SGCG: variants seen among roughly 807,000 people sequenced by gnomAD.
The protein encoded by SGCG is sarcoglycan gamma.
A neutral mutation model predicts 29.3 loss-of-function variants in SGCG; 26 were observed. That is an observed-to-expected ratio of 0.89 (90% CI 0.65 to 1.23). The LOEUF (loss-of-function observed/expected upper bound fraction) is 1.23, where lower values mean the gene tolerates loss of function less well. Among genes scored for constraint, SGCG ranks in the 50% most tolerant of loss-of-function variants. The pLI is 0.00. For synonymous variants in SGCG, 145 were observed against 129.7 expected (o/e 1.12, Z -0.80); for missense variants, 353 against 356.0 (o/e 0.99, Z 0.07).
At chr13:23,309,718 TCAAA>T (rs1882488527) in intron 6 of SGCG, among the ~76,000 whole-genome samples, 1 of 152,228 alleles carries the variant, frequency 6.6e-6, no homozygotes, top group Non-Finnish European at 1.5e-5. Context: ...CCTTTTTCTT[TCAAA>T]CAGTGTGTGT....
At chr13:23,223,855 ACT>A (rs1189970809) in intron 2 of SGCG, among the ~76,000 whole-genome samples, 1 of 152,118 alleles carries the variant, frequency 6.6e-6, no homozygotes, top group East Asian at 1.9e-4. Flanking sequence ...AATCCCAGCT[ACT>A]CGGGAGGCTG....
chr13:23,323,197 T>C (rs1883113754), intron 7 of SGCG, among the ~76,000 whole-genome samples: 1 of 152,130 alleles, frequency 6.6e-6, no homozygotes, highest in South Asian at 2.1e-4. Context: ...AGTTGTGATG[T>C]CAGGAGCAGA....
At chr13:23,183,044 A>G (rs1057052872) in intron 1 of SGCG, among the ~76,000 whole-genome samples, 1 of 152,246 alleles carries the variant, frequency 6.6e-6, no homozygotes, top group Non-Finnish European at 1.5e-5. Context: ...TGGAAAGTCT[A>G]ACATCAATGA....
At chr13:23,293,773 G>A (rs534997429) in intron 5 of SGCG, among the ~76,000 whole-genome samples, 146 of 151,816 alleles carry the variant, frequency 9.6e-4, no homozygotes, top group African/African-American at 3.4e-3. Context: ...GGAGATTGCA[G>A]TGAGCGGAGA....
intron 6 of SGCG, among the ~76,000 whole-genome samples, chr13:23,314,370 G>A (rs1882717188): frequency 2.8e-5 from 1 of 35,154 alleles, no homozygotes; most frequent in Non-Finnish European, 5.4e-5. Context: ...ATGAAATGAT[G>A]TCTGCTATAG....
intron 4 of SGCG, among the ~76,000 whole-genome samples, chr13:23,251,640 G>T (rs1040414041): frequency 5.3e-5 from 8 of 152,056 alleles, no homozygotes; most frequent in African/African-American, 1.9e-4. Context: ...AGGTGTGGTG[G>T]TGCACGTCTG....
intron 6 of SGCG, among the ~76,000 whole-genome samples, chr13:23,304,722 G>A (rs370993064): frequency 6.6e-6 from 1 of 152,182 alleles, no homozygotes; most frequent in African/African-American, 2.4e-5. Flanking sequence ...TCCTGCCTCA[G>A]CCTCCTGAGT....
intron 6 of SGCG, among the ~76,000 whole-genome samples, chr13:23,299,446 A>ATTTT (rs1566037539): frequency 4.1e-4 from 3 of 7,384 alleles, no homozygotes; most frequent in Non-Finnish European, 5.6e-4. Context: ...ATATATATAT[A>ATTTT]TATATATATA....
chr13:23,304,454 C>T (rs914558960), intron 6 of SGCG, among the ~76,000 whole-genome samples: 1 of 152,022 alleles, frequency 6.6e-6, no homozygotes, highest in African/African-American at 2.4e-5. Context: ...ATTACAAACT[C>T]TACTTTTTCC....
intron 4 of SGCG, among the ~76,000 whole-genome samples, chr13:23,266,877 G>A (rs889462039): frequency 1.3e-5 from 2 of 152,142 alleles, no homozygotes; most frequent in African/African-American, 4.8e-5. Context: ...GCAGAACCAT[G>A]AGCCAGTTAA....
intron 2 of SGCG, among the ~76,000 whole-genome samples, chr13:23,223,411 T>C (rs534867658): frequency 1.2e-4 from 19 of 152,176 alleles, no homozygotes; most frequent in African/African-American, 4.3e-4. Context: ...ATTTGAAAAA[T>C]TAATTTTACA....
intron 1 of SGCG, among the ~76,000 whole-genome samples, chr13:23,195,952 A>T (rs1030261925): frequency 2.0e-5 from 3 of 152,030 alleles, no homozygotes; most frequent in Admixed American, 2.0e-4. Context: ...ATACAAAAGA[A>T]ATTTGGGAAA....
At chr13:23,323,238 C>T (rs886724949) in intron 7 of SGCG, among the ~76,000 whole-genome samples, 4 of 152,110 alleles carry the variant, frequency 2.6e-5, no homozygotes, top group Non-Finnish European at 5.9e-5. Context: ...AAGAATGAGG[C>T]GTTAGATAAT....
chr13:23,247,933 C>G (rs1879778320), intron 3 of SGCG, among the ~76,000 whole-genome samples: 1 of 131,642 alleles, frequency 7.6e-6, no homozygotes, highest in African/African-American at 2.9e-5. Flanking sequence ...AGCCTGGCAA[C>G]AGAGTGAAAC....
the SGCG span, among the ~76,000 whole-genome samples, chr13:23,168,744 C>G: frequency 1.3e-5 from 2 of 152,148 alleles, no homozygotes; most frequent in Non-Finnish European, 2.9e-5. Context: ...ACATACATGA[C>G]AGAGATAATC....
chr13:23,243,572 G>T (rs1879589089), intron 3 of SGCG: 1 of 152,206 alleles, frequency 6.6e-6, no homozygotes, highest in African/African-American at 2.4e-5. Context: ...ATGACAGGAA[G>T]TGAATCCCAG....
chr13:23,270,686 A>G (rs1343993201), intron 4 of SGCG, among the ~76,000 whole-genome samples: 2 of 152,092 alleles, frequency 1.3e-5, no homozygotes, highest in Non-Finnish European at 2.9e-5. Context: ...TTTACTTGTT[A>G]TTGTTATGTA....
At chr13:23,160,751 G>C in the SGCG span, among the ~76,000 whole-genome samples, 1,935 of 152,134 alleles carry the variant, frequency 0.013, 19 homozygotes, top group South Asian at 0.021. Flanking sequence ...GTTGTTAGAC[G>C]TCCCTATGCC....
intron 3 of SGCG, among the ~76,000 whole-genome samples, chr13:23,247,378 G>C (rs780866026): frequency 7.2e-5 from 11 of 152,140 alleles, no homozygotes; most frequent in Non-Finnish European, 1.5e-4. Flanking sequence ...GTAGGGTGGG[G>C]TACAATGGGA....
Sources: allele counts gnomAD v4.1 joint callset (sites outside exome capture counted in the v4.1 genomes callset), GRCh38; gene constraint gnomAD v4.1.1; transcripts MANE v1.5; gene names NCBI Gene and HGNC (gene_info 2026-07-23, HGNC 2026-07-21).